DNM3: variants seen among roughly 807,000 people sequenced by gnomAD.
The protein encoded by DNM3 is dynamin-3.
DNM3 carries 47 observed loss-of-function variants against 101.6 expected under a neutral mutation model. The observed-to-expected ratio is 0.46, with a 90% confidence interval of 0.37 to 0.59. The LOEUF is 0.59. DNM3 is among the 20% of genes least tolerant of loss of function. DNM3 has a pLI of 0.00. For missense variants in DNM3, 849 were observed against 1,085.7 expected (o/e 0.78, Z 3.06); for synonymous variants, 385 against 387.9 (o/e 0.99, Z 0.09).
intron 10 of DNM3, among the ~76,000 whole-genome samples, chr1:172,057,055 C>G (rs537193236): frequency 6.6e-6 from 1 of 151,916 alleles, no homozygotes; most frequent in African/African-American, 2.4e-5. Context: ...ATTCAGAAGC[C>G]TCAGGAGCCG....
intron 16 of DNM3, among the ~76,000 whole-genome samples, chr1:172,318,319 A>C (rs1454390833): frequency 1.3e-5 from 2 of 151,920 alleles, no homozygotes; most frequent in Non-Finnish European, 2.9e-5. Context: ...CCCTTTGAAA[A>C]CTGGCACAAG....
At chr1:172,158,996 T>C (rs56848769) in intron 14 of DNM3, among the ~76,000 whole-genome samples, 45,807 of 151,832 alleles carry the variant, frequency 0.3, 8,170 homozygotes, top group African/African-American at 0.48. Context: ...AACCTAAGCG[T>C]TGTTTTGCTT....
At chr1:172,176,664 A>G (rs2059162999) in intron 14 of DNM3, among the ~76,000 whole-genome samples, 1 of 151,862 alleles carries the variant, frequency 6.6e-6, no homozygotes, top group South Asian at 2.1e-4. Flanking sequence ...ATGTAAGATA[A>G]TCAATGTTTA....
Position 172,278,208 on chromosome 1 carries a change from G to T in DNM3, c.1769+24526G>T, listed in dbSNP as rs115325269. 4.8e-3 allele frequency among the ~76,000 whole-genome samples: 726 copies of T among 151,712 alleles called. 3 individuals carry two copies. The highest frequency in any genetic ancestry group is 0.017 in the African/African-American group (685 of 41,364). ...TTCCTTAGGTGTATAAATAGCTATG[G>T]TTTTTTTTCTGCCCAAAGTCAATAT... On this transcript the variant is annotated intron_variant, in intron 15 of 20. Transcript: ENST00000627582.
chr1:172,400,551 T>C (rs538480599), intron 20 of DNM3, among the ~76,000 whole-genome samples: 11 of 152,274 alleles, frequency 7.2e-5, no homozygotes, highest in Non-Finnish European at 1.0e-4. Flanking sequence ...CTCTGCATGC[T>C]TTCTCACACT....
intron 19 of DNM3, 35 bp downstream of exon 19, chr1:172,387,394 G>T: frequency 1.3e-6 from 2 of 1,554,796 alleles, no homozygotes; most frequent in Non-Finnish European, 1.8e-6. Flanking sequence ...GCGGTGGCTC[G>T]CTCCTGTAAT....
At chr1:172,057,399 C>T (rs886197200) in intron 10 of DNM3, among the ~76,000 whole-genome samples, 6 of 152,184 alleles carry the variant, frequency 3.9e-5, no homozygotes, top group African/African-American at 1.4e-4. Flanking sequence ...TTGTCAGATT[C>T]ACCAAAGTTG....
At chr1:172,395,018 A>G (rs2069856695) in intron 20 of DNM3, among the ~76,000 whole-genome samples, 1 of 152,198 alleles carries the variant, frequency 6.6e-6, no homozygotes, top group Admixed American at 6.5e-5. Flanking sequence ...CTTCACATTC[A>G]GACAGTTCTT....
chr1:172,046,638 G>A (rs936483159), intron 9 of DNM3, among the ~76,000 whole-genome samples: 1 of 152,002 alleles, frequency 6.6e-6, no homozygotes, highest in Admixed American at 6.6e-5. Context: ...GGGCAGATAC[G>A]AGTTTACAAA....
intron 11 of DNM3, 102 bp downstream of exon 11, chr1:172,069,007 A>T: frequency 1.3e-6 from 1 of 797,042 alleles, no homozygotes; most frequent in Non-Finnish European, 2.0e-6. Flanking sequence ...CGCTTAAAGG[A>T]AAAAAAAATA....
chr1:172,158,714 T>C (rs999185613), intron 14 of DNM3, among the ~76,000 whole-genome samples: 1 of 152,040 alleles, frequency 6.6e-6, no homozygotes. Context: ...AGATACTGTT[T>C]GGGTTTGTTT....
At chr1:172,208,052 CAA>C (rs2060383714) in intron 14 of DNM3, among the ~76,000 whole-genome samples, 1 of 151,702 alleles carries the variant, frequency 6.6e-6, no homozygotes, top group African/African-American at 2.4e-5. Flanking sequence ...CTTGCTTGTC[CAA>C]AGAGTTTACT....
chr1:171,889,178 T>C (rs1027677565), intron 1 of DNM3, among the ~76,000 whole-genome samples: 3 of 152,060 alleles, frequency 2.0e-5, no homozygotes, highest in African/African-American at 7.2e-5. Context: ...AGGGTCTTGC[T>C]ATGTTGCCTG....
chr1:172,176,385 C>T (rs147613039), intron 14 of DNM3, among the ~76,000 whole-genome samples: 86 of 151,914 alleles, frequency 5.7e-4, no homozygotes, highest in Non-Finnish European at 1.0e-3. Context: ...GACTTATGAT[C>T]TCCAGAACTG....
At chr1:171,887,647 A>T (rs564412979) in intron 1 of DNM3, among the ~76,000 whole-genome samples, 143 of 152,040 alleles carry the variant, frequency 9.4e-4, no homozygotes, top group Non-Finnish European at 1.7e-3. Context: ...TACTTTGTTG[A>T]CTGGATAAAA....
chr1:172,395,381 G>T (rs906933586), intron 20 of DNM3, among the ~76,000 whole-genome samples: 2 of 152,068 alleles, frequency 1.3e-5, no homozygotes, highest in African/African-American at 4.8e-5. Flanking sequence ...ATGTTGCCCA[G>T]GTTGGTCTCA....
At chr1:172,108,425 C>A (rs892132838) in intron 13 of DNM3, among the ~76,000 whole-genome samples, 1 of 152,112 alleles carries the variant, frequency 6.6e-6, no homozygotes, top group Admixed American at 6.5e-5. Flanking sequence ...GTCTTAGTAG[C>A]TTGAAAGAGT....
Position 172,041,411 on chromosome 1 carries a change from G to A in DNM3, c.993-598G>A, listed in dbSNP as rs116070081. ...GTTTGGGAGTGAAAGAAATTGAGAG[G>A]TTGTTTTAAGTGTGTTGAGTTCAAG... On this transcript the variant is annotated intron_variant, in intron 7 of 20. Coordinates refer to ENST00000627582, the MANE Select transcript of DNM3 (RefSeq NM_015569.5). 3.4e-3 allele frequency among the ~76,000 whole-genome samples: 523 copies of A among 152,220 alleles called. 5 individuals carry two copies. Among genetic ancestry groups the A allele is most frequent in the African/African-American group, 0.012 (500 of 41,552 alleles).
At chr1:172,187,659 G>A (rs73043064) in intron 14 of DNM3, among the ~76,000 whole-genome samples, 2,627 of 152,166 alleles carry the variant, frequency 0.017, 73 homozygotes, top group African/African-American at 0.06. Flanking sequence ...ATGCATGGAG[G>A]TGGGGTTGCG....
Sources: gnomAD v4.1 joint callset for allele counts (sites outside exome capture counted in the v4.1 genomes callset) on GRCh38, gnomAD v4.1.1 for gene constraint, MANE v1.5 for transcripts, NCBI Gene and HGNC (gene_info 2026-07-23, HGNC 2026-07-21) for gene names.